Variants in NPR3 observed in about 807,000 individuals in gnomAD.
NPR3 encodes atrial natriuretic peptide receptor 3.
In NPR3, 34 loss-of-function variants were observed where a neutral mutation model predicts 54.5. That is an observed-to-expected ratio of 0.62 (90% confidence interval 0.47 to 0.83). The LOEUF (loss-of-function observed/expected upper bound fraction) is 0.83. Ranked by LOEUF, NPR3 falls within the 40% of genes least tolerant of loss-of-function variation. The pLI is 0.00. For missense variants in NPR3, 674 were observed against 720.8 expected (o/e 0.94, Z 0.74); for synonymous variants, 289 against 297.1 (o/e 0.97, Z 0.28).
intron 2 of NPR3, among the ~76,000 whole-genome samples, chr5:32,725,509 T>C (rs866786318): frequency 1.3e-5 from 2 of 152,214 alleles, no homozygotes; most frequent in South Asian, 4.1e-4. Context: ...CAAATGGTCA[T>C]AAATCCAGGC....
At chr5:32,724,004 G>A (rs1225622546) in intron 1 of NPR3, among the ~76,000 whole-genome samples, 1 of 152,018 alleles carries the variant, frequency 6.6e-6, no homozygotes, top group African/African-American at 2.4e-5. Flanking sequence ...TGAACCATTT[G>A]AAAGTACAGA....
chr5:32,717,996 C>T (rs1431277663), intron 1 of NPR3, among the ~76,000 whole-genome samples: 1 of 152,192 alleles, frequency 6.6e-6, no homozygotes, highest in Non-Finnish European at 1.5e-5. Flanking sequence ...TTAGGTTTAA[C>T]ATTTAAGTCT....
chr5:32,786,150 G>A (rs1000392738), intron 7 of NPR3, 84 bp from the exon 8 acceptor site: 72 of 631,582 alleles, frequency 1.1e-4, no homozygotes, highest in Non-Finnish European at 1.6e-4. Flanking sequence ...AAACCCAGAT[G>A]TCCCTTGAGG....
rs1325330124 is a variant in NPR3, at chr5:32,712,492, C to G, written c.716C>G (p.Thr239Ser). 6.4e-7 allele frequency: 1 copy of G among 1,566,436 alleles called. No individual in the cohort carries two copies. Among genetic ancestry groups the G allele is most frequent in the East Asian group, 2.3e-5 (1 of 44,364 alleles). The change falls in exon 1 of 8, where the codon ACC (threonine) becomes AGC (serine). Residue 239 changes from threonine (T) to serine (S), a missense_variant. Thr to Ser is a moderately conservative substitution (Grantham distance 58, BLOSUM62 1). Transcript: ENST00000265074. ...ACGTCCATCTACAGTTTCGACGAGA[C>G]CAAAGACTTGGATCTGGAAGACATC... The part of the protein sequence containing the change: ...LHTSIYSFDE[T>S]KDLDLEDIVR...
At position 32,693,069 on chromosome 5, in the gene NPR3, C is replaced by T. The variant is rs552645474; in HGVS notation, c.100+3883C>T. Among the ~76,000 whole-genome samples the T allele has an allele frequency of 2.8e-3, 430 of 151,988 alleles. 3 individuals are homozygous for T. The highest frequency in any genetic ancestry group is 9.8e-3 in the African/African-American group (405 of 41,408). On this transcript the variant is annotated intron_variant, in intron 1 of 5. Transcript: ENST00000509104. ...CCTGGGAGGTTGAGGCTGCAGTGAGCGGTGACTGTGCCACTGCACTCCATC... is the reference window on the plus strand; with the variant it reads ...CCTGGGAGGTTGAGGCTGCAGTGAGTGGTGACTGTGCCACTGCACTCCATC...
chr5:32,744,272 T>G (rs772575479), intron 3 of NPR3, among the ~76,000 whole-genome samples: 1 of 152,182 alleles, frequency 6.6e-6, no homozygotes, highest in Non-Finnish European at 1.5e-5. Flanking sequence ...ATTACAGGCG[T>G]GAGCCATCTC....
intron 1 of NPR3, among the ~76,000 whole-genome samples, chr5:32,715,143 C>G (rs1738480802): frequency 6.6e-6 from 1 of 152,196 alleles, no homozygotes; most frequent in Non-Finnish European, 1.5e-5. Flanking sequence ...GCAGATGCCT[C>G]TGGATTTGGC....
chr5:32,729,568 G>A (rs1739349819), intron 2 of NPR3, among the ~76,000 whole-genome samples: 1 of 152,126 alleles, frequency 6.6e-6, no homozygotes, highest in Non-Finnish European at 1.5e-5. Flanking sequence ...AACACCATAG[G>A]TTTTCATACA....
At position 32,711,547 on chromosome 5, in the gene NPR3, A is replaced by ACTTTTCTTTTT. The variant is rs138317732; in HGVS notation, c.-225_-224insCTTTTTCTTTT. Reference sequence around the variant, plus strand: ...AGACGCACAGGTTTACACCCGGTGAACTTTTTCTTTTTCTTTTTCTTTTTT... The same window carrying ACTTTTCTTTTT: ...AGACGCACAGGTTTACACCCGGTGAACTTTTCTTTTTCTTTTTCTTTTTCTTTTTCTTTTTT... On this transcript the variant is annotated 5_prime_UTR_variant, in exon 1 of 8. Coordinates refer to ENST00000265074, the MANE Select transcript of NPR3 (RefSeq NM_001204375.2). 2.1e-6 allele frequency: 2 copies of ACTTTTCTTTTT among 966,020 alleles called. No individual in the cohort carries two copies. The highest frequency in any genetic ancestry group is 3.5e-5 in the African/African-American group (2 of 57,970). The allele number at this position is 966,020 out of a possible 1,614,324, so 59.8% of individuals were successfully genotyped here.
At chr5:32,702,952 T>C in intron 1 of NPR3, among the ~76,000 whole-genome samples, 1 of 152,204 alleles carries the variant, frequency 6.6e-6, no homozygotes, top group East Asian at 1.9e-4. Flanking sequence ...ATGATTGCCA[T>C]TCTAACTGGT....
upstream of NPR3, among the ~76,000 whole-genome samples, chr5:32,705,823 T>C (rs1737970375): frequency 1.3e-5 from 2 of 152,202 alleles, no homozygotes; most frequent in African/African-American, 4.8e-5. Flanking sequence ...TCTCAATTGG[T>C]TCAGCTTCCA....
chr5:32,732,786 A>T (rs1739531460), intron 2 of NPR3, among the ~76,000 whole-genome samples: 1 of 152,142 alleles, frequency 6.6e-6, no homozygotes, highest in Admixed American at 6.5e-5. Context: ...ACCAAACCCT[A>T]TGCTTGTTCT....
intron 1 of NPR3, among the ~76,000 whole-genome samples, chr5:32,716,145 T>G (rs1020632517): frequency 1.3e-5 from 2 of 152,188 alleles, no homozygotes; most frequent in Non-Finnish European, 2.9e-5. Flanking sequence ...GCAAACAATA[T>G]CCATTGCTAT....
Position 32,761,637 on chromosome 5 carries a change from C to A in NPR3, c.1060-13071C>A, listed in dbSNP as rs551675893. Among the ~76,000 whole-genome samples the A allele has an allele frequency of 2.0e-5, 3 of 151,550 alleles. No individual in the cohort carries two copies. The East Asian group carries it at 5.8e-4, about 29-fold the overall frequency. On this transcript the variant is annotated intron_variant, in intron 3 of 7. Transcript: ENST00000265074. ...GACTATTTCCTTTTTCAATATTGTA[C>A]TTTTCAGTTCTATAATTTCTATTTT...
At chr5:32,706,087 C>T (rs1474915248), upstream of NPR3, among the ~76,000 whole-genome samples, 1 of 151,944 alleles carries the variant, frequency 6.6e-6, no homozygotes, top group Non-Finnish European at 1.5e-5. Context: ...TTGGTGCTGT[C>T]CTTGGCAATA....
chr5:32,713,019 C>A, intron 1 of NPR3: 1 of 291,388 alleles, frequency 3.4e-6, no homozygotes. Context: ...CGCCACTTAG[C>A]TCGCCCGCTC....
intron 3 of NPR3, among the ~76,000 whole-genome samples, chr5:32,744,293 C>T (rs1740188485): frequency 6.6e-6 from 1 of 152,118 alleles, no homozygotes; most frequent in Non-Finnish European, 1.5e-5. Context: ...GCCCAGCCTG[C>T]ATCATGTTTT....
At chr5:32,778,894 A>C (rs1328582790) in intron 4 of NPR3, among the ~76,000 whole-genome samples, 1 of 152,230 alleles carries the variant, frequency 6.6e-6, no homozygotes, top group Non-Finnish European at 1.5e-5. Flanking sequence ...ATAGAATGAC[A>C]AATGGTTTTG....
At chr5:32,708,999 C>G (rs181506526), upstream of NPR3, among the ~76,000 whole-genome samples, 215 of 151,326 alleles carry the variant, frequency 1.4e-3, no homozygotes, top group African/African-American at 4.9e-3. Flanking sequence ...TTGAGTGTGA[C>G]AAACTGCAAG....
Sources: gnomAD v4.1 joint callset for allele counts (sites outside exome capture counted in the v4.1 genomes callset) on GRCh38, gnomAD v4.1.1 for gene constraint, MANE v1.5 for transcripts, NCBI Gene and HGNC (gene_info 2026-07-23, HGNC 2026-07-21) for gene names.